RCOR1: variants seen among roughly 807,000 people sequenced by gnomAD.
RCOR1 encodes the protein REST corepressor.
A neutral mutation model predicts 64.0 loss-of-function variants in RCOR1; 12 were observed. That is an observed-to-expected ratio of 0.19 (90% CI 0.12 to 0.30). The LOEUF is 0.30. Ranked by LOEUF, RCOR1 falls within the 10% of genes least tolerant of loss-of-function variation. The pLI is 1.00. For synonymous variants in RCOR1, 279 were observed against 227.2 expected, an observed-to-expected ratio of 1.23 and a Z score of -2.05; for missense variants, 502 against 621.2, an observed-to-expected ratio of 0.81 and a Z score of 2.04.
chr14:102,653,966 TCTTTCTTTCTTTCTTTC>T (rs1284738878), intron 2 of RCOR1, among the ~76,000 whole-genome samples: 1,855 of 56,556 alleles, frequency 0.033, 74 homozygotes, highest in South Asian at 0.037. Flanking sequence ...TTTCTTTCTT[TCTTTCTTTCTTTCTTTC>T]TTTTTTTTTT....
At chr14:102,632,844 A>T (rs985166489) in intron 2 of RCOR1, among the ~76,000 whole-genome samples, 4 of 138,760 alleles carry the variant, frequency 2.9e-5, no homozygotes, top group Non-Finnish European at 3.1e-5. Context: ...ACAGGATCTC[A>T]CTCTGTCACC....
intron 2 of RCOR1, among the ~76,000 whole-genome samples, chr14:102,615,285 G>A (rs898262807): frequency 6.9e-6 from 1 of 145,222 alleles, no homozygotes; most frequent in African/African-American, 2.5e-5. Flanking sequence ...GGTGTATGTC[G>A]TCATGCCTGG....
chr14:102,606,913 A>AT (rs997544897), intron 2 of RCOR1, among the ~76,000 whole-genome samples: 2 of 134,308 alleles, frequency 1.5e-5, no homozygotes, highest in East Asian at 2.2e-4. Context: ...TGTTTTTTTG[A>AT]TTTTTTTGGG....
At chr14:102,711,157 C>A in intron 7 of RCOR1, 144 bp downstream of exon 7, 1 of 605,216 alleles carries the variant, frequency 1.7e-6, no homozygotes, top group Non-Finnish European at 2.9e-6. Context: ...ACAATACTGT[C>A]TTTGCTTTAT....
intron 3 of RCOR1, among the ~76,000 whole-genome samples, chr14:102,682,367 T>G (rs1364902069): frequency 1.3e-5 from 2 of 152,196 alleles, no homozygotes; most frequent in Non-Finnish European, 1.5e-5. Flanking sequence ...TGACTTCAGG[T>G]GATCCGCCTG....
intron 2 of RCOR1, among the ~76,000 whole-genome samples, chr14:102,652,715 A>G (rs750096456): frequency 6.6e-6 from 1 of 152,078 alleles, no homozygotes; most frequent in Non-Finnish European, 1.5e-5. Flanking sequence ...ACTTTTTCCC[A>G]TAGATACGTA....
At chr14:102,712,413 AT>A (rs1041352153) in intron 7 of RCOR1, among the ~76,000 whole-genome samples, 2 of 150,872 alleles carry the variant, frequency 1.3e-5, no homozygotes, top group African/African-American at 2.4e-5. Context: ...TGGACCTTGA[AT>A]TTTTTTTTAT....
intron 2 of RCOR1, among the ~76,000 whole-genome samples, chr14:102,629,093 G>A (rs964039748): frequency 6.6e-6 from 1 of 152,034 alleles, no homozygotes; most frequent in Non-Finnish European, 1.5e-5. Flanking sequence ...TTTCCTGACC[G>A]TAGCTGGATA....
intron 2 of RCOR1, among the ~76,000 whole-genome samples, chr14:102,611,261 T>C (rs1350453685): frequency 6.6e-6 from 1 of 152,012 alleles, no homozygotes; most frequent in Non-Finnish European, 1.5e-5. Context: ...TTAGTAGAGA[T>C]AGGGTTTCAC....
intron 2 of RCOR1, among the ~76,000 whole-genome samples, chr14:102,656,395 C>A (rs1254143690): frequency 6.6e-6 from 1 of 151,922 alleles, no homozygotes; most frequent in Non-Finnish European, 1.5e-5. Context: ...TGCTCAGCCT[C>A]CCTGAGTATT....
intron 2 of RCOR1, among the ~76,000 whole-genome samples, chr14:102,625,438 T>C (rs1246853050): frequency 4.0e-5 from 6 of 151,858 alleles, no homozygotes; most frequent in Non-Finnish European, 7.4e-5. Context: ...TTTCTCCATG[T>C]TGGTCAGGCT....
chr14:102,661,431 A>G (rs777775486), intron 2 of RCOR1, among the ~76,000 whole-genome samples: 2 of 152,224 alleles, frequency 1.3e-5, no homozygotes, highest in Non-Finnish European at 2.9e-5. Flanking sequence ...AGTTTCACCA[A>G]AAGATAGGTA....
intron 2 of RCOR1, among the ~76,000 whole-genome samples, chr14:102,593,769 C>G (rs1301156631): frequency 9.2e-5 from 14 of 152,206 alleles, no homozygotes; most frequent in Admixed American, 9.2e-4. Context: ...CTCCCCACGC[C>G]TTTGCTCCTC....
intron 2 of RCOR1, among the ~76,000 whole-genome samples, chr14:102,653,776 C>T (rs1894643337): frequency 6.6e-6 from 1 of 151,934 alleles, no homozygotes; most frequent in South Asian, 2.1e-4. Context: ...TTTCCCTTTG[C>T]CTTCCACCAT....
At chr14:102,636,498 C>G (rs1168438167) in intron 2 of RCOR1, among the ~76,000 whole-genome samples, 1 of 149,384 alleles carries the variant, frequency 6.7e-6, no homozygotes, top group Non-Finnish European at 1.5e-5. Context: ...CCAGGCTGGT[C>G]TCGAACTTCT....
chr14:102,722,155 G>A, intron 10 of RCOR1, 32 bp from the exon 11 acceptor site: 2 of 1,551,496 alleles, frequency 1.3e-6, no homozygotes, highest in Non-Finnish European at 1.8e-6. Flanking sequence ...TTTTTCTCTT[G>A]TATTTTAAAA....
intron 2 of RCOR1, among the ~76,000 whole-genome samples, chr14:102,596,726 A>G (rs1165516973): frequency 6.6e-6 from 1 of 150,534 alleles, no homozygotes; most frequent in Non-Finnish European, 1.5e-5. Context: ...CACCACGCCC[A>G]ACTAATTTTT....
intron 2 of RCOR1, among the ~76,000 whole-genome samples, chr14:102,610,968 C>T (rs930856277): frequency 3.4e-5 from 3 of 89,020 alleles, no homozygotes; most frequent in Non-Finnish European, 8.7e-5. Flanking sequence ...GTGCTGAATT[C>T]CTCTAGGGGT....
chr14:102,601,612 C>G (rs1012272808), intron 2 of RCOR1, among the ~76,000 whole-genome samples: 6 of 152,358 alleles, frequency 3.9e-5, no homozygotes, highest in African/African-American at 1.4e-4. Flanking sequence ...GAACCTCAAA[C>G]TGCAGTGCAG....
Sources: allele counts gnomAD v4.1 joint callset (sites outside exome capture counted in the v4.1 genomes callset), GRCh38; gene constraint gnomAD v4.1.1; transcripts MANE v1.5; gene names NCBI Gene and HGNC (gene_info 2026-07-23, HGNC 2026-07-21).